PTPRE: variants seen among roughly 807,000 people sequenced by gnomAD.
PTPRE encodes protein tyrosine phosphatase receptor type E.
A neutral mutation model predicts 102.0 loss-of-function variants in PTPRE; 51 were observed. The observed-to-expected ratio is 0.50, with a 90% CI of 0.40 to 0.63. The LOEUF (loss-of-function observed/expected upper bound fraction) is 0.63, where lower values mean the gene tolerates loss of function less well. Ranked by LOEUF, PTPRE falls within the 30% of genes least tolerant of loss-of-function variation. The pLI is 0.00. For synonymous variants in PTPRE, 345 were observed against 348.2 expected (o/e 0.99, Z 0.10); for missense variants, 752 against 915.1 (o/e 0.82, Z 2.30).
intron 17 of PTPRE, 58 bp downstream of exon 17, chr10:128,073,529 T>C (rs1376323287): frequency 6.4e-7 from 1 of 1,564,310 alleles, no homozygotes; most frequent in African/African-American, 1.4e-5. Flanking sequence ...TGAGGCACTG[T>C]CCCCGTTCAT....
intron 7 of PTPRE, among the ~76,000 whole-genome samples, chr10:128,058,191 C>A (rs970895392): frequency 1.6e-4 from 24 of 152,202 alleles, no homozygotes; most frequent in African/African-American, 5.8e-4. Flanking sequence ...TACCTACACC[C>A]AGTCCCCTTC....
chr10:127,968,250 AC>A (rs1850416587), intron 1 of PTPRE, among the ~76,000 whole-genome samples: 1 of 152,098 alleles, frequency 6.6e-6, no homozygotes, highest in South Asian at 2.1e-4. Flanking sequence ...AGTCAACTGC[AC>A]TCCAGGCTTG....
chr10:128,043,177 A>G (rs1422774275), intron 3 of PTPRE, among the ~76,000 whole-genome samples: 1 of 152,164 alleles, frequency 6.6e-6, no homozygotes, highest in African/African-American at 2.4e-5. Flanking sequence ...CATTATATTT[A>G]TTTTGTACTT....
intron 2 of PTPRE, among the ~76,000 whole-genome samples, chr10:128,018,692 G>T (rs947703819): frequency 1.3e-5 from 2 of 152,214 alleles, no homozygotes; most frequent in East Asian, 1.9e-4. Flanking sequence ...GCCTAAAGCT[G>T]CTCCCGGCCA....
At chr10:128,073,974 T>C (rs781412935) in intron 17 of PTPRE, among the ~76,000 whole-genome samples, 15 of 152,358 alleles carry the variant, frequency 9.8e-5, no homozygotes, top group Admixed American at 3.9e-4. Context: ...AAGGGTACAA[T>C]TCAGTGAATT....
At chr10:128,060,416 T>G (rs1849481767) in intron 7 of PTPRE, among the ~76,000 whole-genome samples, 1 of 152,176 alleles carries the variant, frequency 6.6e-6, no homozygotes, top group African/African-American at 2.4e-5. Context: ...ACTCCGGTGG[T>G]GGGACTGAGG....
chr10:128,075,495 TGTGTTCTC>T (rs1320237432), intron 17 of PTPRE, among the ~76,000 whole-genome samples: 1 of 152,042 alleles, frequency 6.6e-6, no homozygotes, highest in Non-Finnish European at 1.5e-5. Context: ...CCTGTGTCCT[TGTGTTCTC>T]CCTACCTGTA....
chr10:128,013,840 A>G (rs1410757667), intron 2 of PTPRE, among the ~76,000 whole-genome samples: 2 of 152,172 alleles, frequency 1.3e-5, no homozygotes, highest in Non-Finnish European at 2.9e-5. Context: ...ATATTTTGTT[A>G]TGGCAGCTGG....
intron 1 of PTPRE, among the ~76,000 whole-genome samples, chr10:127,954,296 A>C (rs1174655753): frequency 4.6e-5 from 7 of 152,154 alleles, no homozygotes; most frequent in Admixed American, 4.6e-4. Context: ...AGAGATCAAC[A>C]TGGGGTCCCC....
intron 2 of PTPRE, among the ~76,000 whole-genome samples, chr10:128,027,161 C>T (rs1396715924): frequency 4.6e-5 from 7 of 152,198 alleles, no homozygotes; most frequent in Admixed American, 3.3e-4. Flanking sequence ...AGGTTAGAAG[C>T]GCTTAGCACA....
At chr10:127,981,572 C>T (rs200610307) in intron 1 of PTPRE, among the ~76,000 whole-genome samples, 1 of 152,088 alleles carries the variant, frequency 6.6e-6, no homozygotes, top group Non-Finnish European at 1.5e-5. Flanking sequence ...AATCCCAGCA[C>T]TTTGTGAGCC....
intron 11 of PTPRE, 132 bp downstream of exon 11, chr10:128,066,326 G>T (rs1362381962): frequency 2.8e-6 from 4 of 1,425,326 alleles, no homozygotes; most frequent in Non-Finnish European, 3.8e-6. Flanking sequence ...GGCTGAGAGG[G>T]TGCAGTGGCC....
intron 2 of PTPRE, among the ~76,000 whole-genome samples, chr10:127,987,635 A>G (rs138541346): frequency 2.4e-3 from 368 of 152,212 alleles, no homozygotes; most frequent in African/African-American, 8.5e-3. Context: ...TGCACTGGGG[A>G]TGGCATGGAG....
intron 2 of PTPRE, chr10:127,998,882 C>T (rs572958332): frequency 6.6e-6 from 1 of 152,188 alleles, no homozygotes. Context: ...AGAAGGAGAA[C>T]TTGGTGAGGC....
intron 2 of PTPRE, among the ~76,000 whole-genome samples, chr10:128,003,944 C>T (rs1036180428): frequency 1.2e-4 from 18 of 151,806 alleles, no homozygotes; most frequent in Admixed American, 3.3e-4. Context: ...CACCCCAGCG[C>T]GTCTGCCAGG....
At chr10:127,955,858 C>T (rs1214159368) in intron 1 of PTPRE, among the ~76,000 whole-genome samples, 2 of 152,104 alleles carry the variant, frequency 1.3e-5, no homozygotes, top group African/African-American at 2.4e-5. Flanking sequence ...ACCTTCTTCA[C>T]GTGGTGGCAG....
At position 127,966,313 on chromosome 10, in the gene PTPRE, C is replaced by A. The variant is rs111926023; in HGVS notation, c.-30-15961C>A. Among the ~76,000 whole-genome samples the A allele has an allele frequency of 8.3e-4, 126 of 152,244 alleles. 2 individuals carry two copies. Among genetic ancestry groups the A allele is most frequent in the African/African-American group, 2.9e-3 (119 of 41,530 alleles). On this transcript the variant is annotated intron_variant, in intron 1 of 20. Coordinates refer to ENST00000254667, the MANE Select transcript of PTPRE (RefSeq NM_006504.6). The stretch of plus-strand genomic sequence containing the variant: ...TAGGAATTGCATGACAGTTACTGAT[C>A]ATTTATCTTTTAAAATGGGTCAATA...
At chr10:128,068,759 CCCTCGCCAGCTGCCACTTCAG>C (rs1329288667) in intron 12 of PTPRE, 2 of 152,650 alleles carry the variant, frequency 1.3e-5, no homozygotes, top group African/African-American at 4.8e-5. Flanking sequence ...ACCAGGCTGC[CCCTCGCCAGCTGCCACTTCAG>C]CCTCGGTTTC....
rs1181162843 is a variant in PTPRE, at chr10:128,069,678, C to G, written c.1008-14C>G. 3.1e-6 allele frequency: 5 copies of G among 1,613,866 alleles called. No homozygotes were observed. The East Asian group carries it at 1.1e-4, about 36-fold the overall frequency. On this transcript the variant is annotated splice_polypyrimidine_tract_variant and intron_variant, in intron 12 of 20. Coordinates refer to ENST00000254667, the MANE Select transcript of PTPRE (RefSeq NM_006504.6). ...GTGTGACTCACGACGCAGCATCTTT[C>G]TCTTTCCCCAAAGCGCGGGCGTGGG... is the stretch of plus-strand genomic sequence containing the variant.
Sources: gnomAD v4.1 joint callset for allele counts (sites outside exome capture counted in the v4.1 genomes callset) on GRCh38, gnomAD v4.1.1 for gene constraint, MANE v1.5 for transcripts, NCBI Gene and HGNC (gene_info 2026-07-23, HGNC 2026-07-21) for gene names.